The following DSCAM variants were observed in gnomAD, a reference collection of about 807,000 sequenced individuals.
DSCAM encodes the protein cell adhesion molecule DSCAM.
A neutral mutation model predicts 217.7 loss-of-function variants in DSCAM; 47 were observed. That is an observed-to-expected ratio of 0.22 (90% CI 0.17 to 0.28). The LOEUF (loss-of-function observed/expected upper bound fraction) is 0.28, where lower values mean the gene tolerates loss of function less well. DSCAM is among the 10% of genes least tolerant of loss of function. The pLI, the probability that DSCAM is intolerant of heterozygous loss-of-function variation, is 1.00. For synonymous variants in DSCAM, 1,056 were observed against 1,015.3 expected, an observed-to-expected ratio of 1.04 and a Z score of -0.76; for missense variants, 2,080 against 2,618.3, an observed-to-expected ratio of 0.79 and a Z score of 4.49.
rs944470196 is a variant in DSCAM, at chr21:40,037,936, A to T, written c.5686+4435T>A. Among the ~76,000 whole-genome samples, 5 of 147,520 alleles carry T rather than the reference A, an allele frequency of 3.4e-5. No homozygotes were observed. In the Admixed American group the frequency reaches 3.4e-4, roughly 10 times the overall value. On this transcript the variant is annotated intron_variant, in intron 32 of 32. Coordinates refer to ENST00000400454, the MANE Select transcript of DSCAM (RefSeq NM_001389.5). ...TGGGGAAAGGATTCCCTATTTAATA[A>T]ATGGTGCTGGGAAAACTGGCTAGCC...
chr21:40,048,686 C>T (rs574825440), intron 30 of DSCAM, among the ~76,000 whole-genome samples: 50 of 152,298 alleles, frequency 3.3e-4, no homozygotes, highest in Admixed American at 6.5e-4. Context: ...AATAGAATCA[C>T]GATGTGTTCT....
At chr21:40,262,488 G>T (rs1355509463) in intron 11 of DSCAM, among the ~76,000 whole-genome samples, 1 of 152,054 alleles carries the variant, frequency 6.6e-6, no homozygotes, top group Non-Finnish European at 1.5e-5. Context: ...AATAATTATA[G>T]CAACAGAAAA....
At chr21:40,671,446 T>A (rs1489559749) in intron 3 of DSCAM, among the ~76,000 whole-genome samples, 1 of 151,738 alleles carries the variant, frequency 6.6e-6, no homozygotes, top group Admixed American at 6.6e-5. Flanking sequence ...GAGGCTGAGG[T>A]GGGTGGATCA....
chr21:40,761,683 GAAA>G (rs2091336984), intron 1 of DSCAM, among the ~76,000 whole-genome samples: 1 of 152,296 alleles, frequency 6.6e-6, no homozygotes, highest in South Asian at 2.1e-4. Flanking sequence ...AATACAGAGA[GAAA>G]CGATCCCAAT....
At chr21:40,245,568 G>A (rs1163239536) in intron 11 of DSCAM, among the ~76,000 whole-genome samples, 1 of 152,208 alleles carries the variant, frequency 6.6e-6, no homozygotes, top group Non-Finnish European at 1.5e-5. Flanking sequence ...AATTTTGCAA[G>A]TGTTTTGATG....
Position 40,085,722 on chromosome 21 carries a change from T to G in DSCAM, c.4012A>C (p.Ile1338Leu), listed in dbSNP as rs751905178. The change falls in exon 23 of 33, where the codon ATC becomes CTC. Residue 1338 changes from isoleucine (I) to leucine (L), a missense_variant. Ile to Leu is a conservative substitution (Grantham distance 5). Coordinates refer to ENST00000400454, the MANE Select transcript of DSCAM (RefSeq NM_001389.5). ...SLVTIDGRRSIFSNGSFIIRT... is the reference protein window; with the variant it reads ...SLVTIDGRRSLFSNGSFIIRT... ...ATAATGAAGCTTCCGTTGCTAAAGA[T>G]GCTCCTCCGCCCATCAATCGTTACT... is the stretch of plus-strand genomic sequence containing the variant. 3.8e-6 allele frequency: 6 copies of G among 1,585,210 alleles called. No individual in the cohort carries two copies. The highest frequency in any genetic ancestry group is 2.6e-6 in the Non-Finnish European group (3 of 1,157,870).
Position 40,477,030 on chromosome 21 carries a change from T to G in DSCAM, c.509-107785A>C, listed in dbSNP as rs551752598. Reference sequence around the variant, plus strand: ...GAAATTTGGAATATTTGGGAAGAGCTCAAAGAAAACAAAAGTTATATAACT... The same window carrying G: ...GAAATTTGGAATATTTGGGAAGAGCGCAAAGAAAACAAAAGTTATATAACT... On this transcript the variant is annotated intron_variant, in intron 3 of 32. Coordinates refer to ENST00000400454, the MANE Select transcript of DSCAM (RefSeq NM_001389.5). Among the ~76,000 whole-genome samples, 13 of 152,162 alleles carry G rather than the reference T, an allele frequency of 8.5e-5. No individual in the cohort carries two copies. The East Asian group carries it at 1.3e-3, about 16-fold the overall frequency.
intron 2 of DSCAM, among the ~76,000 whole-genome samples, chr21:40,703,426 G>A (rs1011803667): frequency 2.0e-5 from 3 of 152,056 alleles, no homozygotes; most frequent in African/African-American, 7.2e-5. Flanking sequence ...GGCTGAGATG[G>A]GAGGATCACT....
intron 8 of DSCAM, among the ~76,000 whole-genome samples, chr21:40,316,500 A>T (rs1488506421): frequency 1.3e-5 from 2 of 152,230 alleles, no homozygotes; most frequent in African/African-American, 4.8e-5. Flanking sequence ...AACTCTTCTC[A>T]TGATTTTGGG....
At chr21:40,188,441 A>G (rs1214641276) in intron 12 of DSCAM, among the ~76,000 whole-genome samples, 1 of 152,100 alleles carries the variant, frequency 6.6e-6, no homozygotes, top group Non-Finnish European at 1.5e-5. Flanking sequence ...TTCTAGGAGG[A>G]TTCCAGGAAT....
chr21:40,829,415 T>C (rs1298125318), intron 1 of DSCAM, among the ~76,000 whole-genome samples: 3 of 152,192 alleles, frequency 2.0e-5, no homozygotes, highest in Non-Finnish European at 2.9e-5. Flanking sequence ...TCGAGGTTTG[T>C]GGTCATGCAT....
At chr21:40,449,882 C>G (rs1197776033) in intron 3 of DSCAM, among the ~76,000 whole-genome samples, 1 of 152,100 alleles carries the variant, frequency 6.6e-6, no homozygotes, top group Non-Finnish European at 1.5e-5. Flanking sequence ...TTAATTAATT[C>G]TATACATTAT....
chr21:40,360,283 C>T (rs868659209), intron 4 of DSCAM, among the ~76,000 whole-genome samples: 2 of 151,896 alleles, frequency 1.3e-5, no homozygotes, highest in Admixed American at 6.6e-5. Flanking sequence ...CAGGCGCCTA[C>T]CACCACGCCC....
intron 9 of DSCAM, 111 bp from the exon 10 acceptor site, chr21:40,296,285 T>C: frequency 7.8e-7 from 1 of 1,287,418 alleles, no homozygotes; most frequent in Non-Finnish European, 1.1e-6. Flanking sequence ...GAAGACTGTT[T>C]CATACACATG....
intron 30 of DSCAM, among the ~76,000 whole-genome samples, chr21:40,049,718 A>G (rs2088897683): frequency 6.6e-6 from 1 of 152,166 alleles, no homozygotes; most frequent in South Asian, 2.1e-4. Context: ...CCAACTTTAT[A>G]GCCATGAGAT....
chr21:40,189,259 C>A, intron 11 of DSCAM, 21 bp from the exon 12 acceptor site: 1 of 1,531,624 alleles, frequency 6.5e-7, no homozygotes, highest in Non-Finnish European at 8.8e-7. Context: ...AAAAGGGACA[C>A]AACTTGTTCA....
intron 18 of DSCAM, among the ~76,000 whole-genome samples, chr21:40,137,707 A>C (rs565488612): frequency 3.3e-5 from 5 of 152,126 alleles, no homozygotes; most frequent in Admixed American, 1.3e-4. Context: ...AAATATATAA[A>C]ATAAATTTAG....
chr21:40,700,353 A>C (rs1469677233), intron 2 of DSCAM, among the ~76,000 whole-genome samples: 1 of 152,230 alleles, frequency 6.6e-6, no homozygotes. Context: ...TTTTTATCAG[A>C]TTGAGGAAGT....
At chr21:40,114,953 T>G (rs1051891612) in intron 20 of DSCAM, among the ~76,000 whole-genome samples, 4 of 152,224 alleles carry the variant, frequency 2.6e-5, no homozygotes. Context: ...GGAACACTTT[T>G]ACACTGTTGG....
Sources: gnomAD v4.1 joint callset for allele counts (sites outside exome capture counted in the v4.1 genomes callset) on GRCh38, gnomAD v4.1.1 for gene constraint, MANE v1.5 for transcripts, NCBI Gene and HGNC (gene_info 2026-07-23, HGNC 2026-07-21) for gene names.